The following INPP4B variants were observed in gnomAD, a reference collection of about 807,000 sequenced individuals.
The protein encoded by INPP4B is inositol polyphosphate 4-phosphatase type II.
In INPP4B, 55 loss-of-function variants were observed where a neutral mutation model predicts 122.5. The observed-to-expected ratio is 0.45, with a 90% CI of 0.36 to 0.56. The LOEUF (loss-of-function observed/expected upper bound fraction) is 0.56. Ranked by LOEUF, INPP4B falls within the 20% of genes least tolerant of loss-of-function variation. The pLI is 0.00. For missense variants in INPP4B, 1,000 were observed against 1,097.7 expected, an observed-to-expected ratio of 0.91 and a Z score of 1.26; for synonymous variants, 403 against 388.7, an observed-to-expected ratio of 1.04 and a Z score of -0.43.
At chr4:142,687,118 A>T (rs1040063515) in intron 2 of INPP4B, among the ~76,000 whole-genome samples, 1 of 152,016 alleles carries the variant, frequency 6.6e-6, no homozygotes, top group African/African-American at 2.4e-5. Context: ...AGCTATGTGG[A>T]TGCTAAGAGT....
chr4:142,595,185 T>C (rs1738436277), intron 2 of INPP4B, among the ~76,000 whole-genome samples: 1 of 152,128 alleles, frequency 6.6e-6, no homozygotes, highest in Non-Finnish European at 1.5e-5. Context: ...TTTTTAGTTA[T>C]AGGGAGGTAG....
In INPP4B at chr4:142,292,548, C is replaced by A. The variant is rs1335472254; in HGVS notation, c.503+12910G>T. The stretch of plus-strand genomic sequence containing the variant: ...AAGAGAAAAATAATCCCCACTTACA[C>A]CATTTCTAAGTTTAGGATTTAAACT... On this transcript the variant is annotated intron_variant, in intron 9 of 25. Coordinates refer to ENST00000262992, the MANE Select transcript of INPP4B (RefSeq NM_001101669.3). 5.3e-5 allele frequency among the ~76,000 whole-genome samples: 8 copies of A among 152,274 alleles called. No individual in the cohort carries two copies. The East Asian group carries it at 1.5e-3, about 29-fold the overall frequency.
intron 2 of INPP4B, among the ~76,000 whole-genome samples, chr4:142,678,982 C>T (rs187371974): frequency 1.4e-3 from 205 of 151,724 alleles, no homozygotes; most frequent in Non-Finnish European, 2.0e-3. Context: ...ACTGTTCTAA[C>T]CAAAAAAGGA....
chr4:142,841,403 ATG>A (rs1783474274), intron 1 of INPP4B, among the ~76,000 whole-genome samples: 1 of 152,028 alleles, frequency 6.6e-6, no homozygotes, highest in Non-Finnish European at 1.5e-5. Flanking sequence ...ATGAAAATGA[ATG>A]AGAACCATTT....
chr4:142,764,941 A>G (rs1343434392), intron 1 of INPP4B, among the ~76,000 whole-genome samples: 1 of 152,026 alleles, frequency 6.6e-6, no homozygotes, highest in Admixed American at 6.6e-5. Flanking sequence ...TATGAGATTT[A>G]CTCTCTTAAG....
chr4:142,776,074 C>T (rs778180562), intron 1 of INPP4B, among the ~76,000 whole-genome samples: 1 of 152,100 alleles, frequency 6.6e-6, no homozygotes, highest in Non-Finnish European at 1.5e-5. Context: ...CTAATCACAG[C>T]TATAAATTAT....
At chr4:142,163,192 G>GA (rs577361150) in intron 16 of INPP4B, among the ~76,000 whole-genome samples, 2 of 150,970 alleles carry the variant, frequency 1.3e-5, no homozygotes, top group East Asian at 3.9e-4. Flanking sequence ...AATATTAAGT[G>GA]AAAAAAAAGA....
At position 142,102,520 on chromosome 4, in the gene INPP4B, A is replaced by C. The variant is rs1354355057; in HGVS notation, c.2374+5573T>G. On this transcript the variant is annotated intron_variant, in intron 23 of 25. Transcript: ENST00000262992. ...TGAAGCAACCAAAGGAGCGTGAGAG[A>C]CGTGAGAGAAAGTGTTGTATCAGCA... 2.1e-5 allele frequency among the ~76,000 whole-genome samples: 3 copies of C among 144,342 alleles called. No homozygotes were observed. The East Asian group carries it at 6.1e-4, about 29-fold the overall frequency. 94.7% of individuals were successfully genotyped at this position (144,342 alleles called of 152,430 possible).
chr4:142,230,643 C>CA (rs11309327), intron 12 of INPP4B, among the ~76,000 whole-genome samples: 23 of 79,570 alleles, frequency 2.9e-4, no homozygotes, highest in Non-Finnish European at 5.0e-4. Context: ...AACTCCACCT[C>CA]AAAAAAAAAA....
intron 7 of INPP4B, 64 bp from the exon 8 acceptor site, chr4:142,314,826 G>A: frequency 7.4e-7 from 1 of 1,345,386 alleles, no homozygotes. Context: ...CCTCGCACAG[G>A]TGCTGGGTTT....
chr4:142,668,337 A>G (rs1756463424), intron 2 of INPP4B, among the ~76,000 whole-genome samples: 1 of 152,218 alleles, frequency 6.6e-6, no homozygotes, highest in Admixed American at 6.5e-5. Flanking sequence ...AATTAGGTAT[A>G]AAAGGAATGA....
chr4:142,674,010 G>T (rs745465634), intron 2 of INPP4B, among the ~76,000 whole-genome samples: 1 of 152,020 alleles, frequency 6.6e-6, no homozygotes. Flanking sequence ...ATGGCAGATG[G>T]GAGCTGCCTC....
chr4:142,555,935 G>A (rs950155064), intron 2 of INPP4B, among the ~76,000 whole-genome samples: 1 of 151,010 alleles, frequency 6.6e-6, no homozygotes, highest in African/African-American at 2.4e-5. Context: ...AGTGCATGCT[G>A]TGTGTGTGTG....
intron 2 of INPP4B, chr4:142,518,995 G>T (rs1825752977): frequency 6.6e-6 from 1 of 152,144 alleles, no homozygotes; most frequent in African/African-American, 2.4e-5. Context: ...AAAGGTTTGA[G>T]GCCACTTGGT....
At chr4:142,200,384 C>G (rs1840138813) in intron 14 of INPP4B, among the ~76,000 whole-genome samples, 1 of 151,858 alleles carries the variant, frequency 6.6e-6, no homozygotes, top group African/African-American at 2.4e-5. Context: ...AAACCTTGAT[C>G]CTTTTCATTA....
At chr4:142,115,516 TAAAGA>T (rs1289601891) in intron 21 of INPP4B, among the ~76,000 whole-genome samples, 3 of 152,132 alleles carry the variant, frequency 2.0e-5, no homozygotes, top group Non-Finnish European at 2.9e-5. Context: ...TCAACATTCT[TAAAGA>T]AAAGAATTTT....
chr4:142,410,784 A>G (rs1417761803), intron 5 of INPP4B, among the ~76,000 whole-genome samples: 1 of 152,196 alleles, frequency 6.6e-6, no homozygotes, highest in Non-Finnish European at 1.5e-5. Flanking sequence ...GAATGCTAAT[A>G]TATGAGTCCC....
At chr4:142,326,377 T>C (rs1431754257) in intron 7 of INPP4B, among the ~76,000 whole-genome samples, 3 of 152,204 alleles carry the variant, frequency 2.0e-5, no homozygotes, top group Non-Finnish European at 4.4e-5. Context: ...ATGTGTTTTA[T>C]AGGCACTAAA....
chr4:142,683,234 G>A (rs753440002), intron 2 of INPP4B, among the ~76,000 whole-genome samples: 18 of 151,928 alleles, frequency 1.2e-4, no homozygotes, highest in Admixed American at 2.0e-4. Flanking sequence ...GGCAGGAGAG[G>A]AGGAATACCA....
Sources: allele counts gnomAD v4.1 joint callset (sites outside exome capture counted in the v4.1 genomes callset), GRCh38; gene constraint gnomAD v4.1.1; transcripts MANE v1.5; gene names NCBI Gene and HGNC (gene_info 2026-07-23, HGNC 2026-07-21).